Variants in RBL1 observed in about 807,000 individuals in gnomAD.
The protein encoded by RBL1 is RB transcriptional corepressor like 1, also known as retinoblastoma-like protein 1.
In RBL1, 82 loss-of-function variants were observed where a neutral mutation model predicts 123.0. The observed-to-expected ratio is 0.67, with a 90% CI of 0.56 to 0.80. The LOEUF (loss-of-function observed/expected upper bound fraction) is 0.80. Ranked by LOEUF, RBL1 falls within the 30% of genes least tolerant of loss-of-function variation. RBL1 has a pLI of 0.00. For missense variants in RBL1, 1,171 were observed against 1,299.6 expected (o/e 0.90, Z 1.52); for synonymous variants, 405 against 441.3 (o/e 0.92, Z 1.03).
chr20:37,034,732 A>G (rs1425878774), intron 15 of RBL1, among the ~76,000 whole-genome samples: 1 of 151,950 alleles, frequency 6.6e-6, no homozygotes, highest in Non-Finnish European at 1.5e-5. Context: ...CTAAACAAAC[A>G]GAGAGGGTAG....
intron 21 of RBL1, among the ~76,000 whole-genome samples, chr20:36,999,693 T>C (rs958744934): frequency 6.6e-6 from 1 of 152,238 alleles, no homozygotes; most frequent in African/African-American, 2.4e-5. Flanking sequence ...GGGGTTTCGC[T>C]GTGTTGGCCG....
chr20:37,011,881 C>T (rs751990786), intron 19 of RBL1, among the ~76,000 whole-genome samples: 7 of 151,830 alleles, frequency 4.6e-5, no homozygotes, highest in Non-Finnish European at 1.0e-4. Flanking sequence ...CCTCTCCCCA[C>T]GGTCTCCCTC....
At chr20:37,035,188 T>C (rs2064585564) in intron 15 of RBL1, 54 bp downstream of exon 15, 1 of 1,498,054 alleles carries the variant, frequency 6.7e-7, no homozygotes. Flanking sequence ...CACTAAGACA[T>C]TTCTTAAATT....
intron 4 of RBL1, 46 bp from the exon 5 acceptor site, chr20:37,067,167 C>T (rs758335951): frequency 1.9e-6 from 3 of 1,569,666 alleles, no homozygotes; most frequent in Non-Finnish European, 2.6e-6. Flanking sequence ...AACCAGAAAC[C>T]TCTCATGTCA....
At chr20:37,090,924 A>G (rs2065636193) in intron 1 of RBL1, among the ~76,000 whole-genome samples, 1 of 152,240 alleles carries the variant, frequency 6.6e-6, no homozygotes, top group Admixed American at 6.6e-5. Flanking sequence ...TTATATTAGT[A>G]GATATCTCAA....
chr20:37,039,066 TTTAAC>T, intron 14 of RBL1, among the ~76,000 whole-genome samples: 1 of 152,116 alleles, frequency 6.6e-6, no homozygotes, highest in Non-Finnish European at 1.5e-5. Flanking sequence ...GTCAGGAGAT[TTTAAC>T]TGATTTTTAA....
chr20:37,069,366 CGGCCGCCATCCCACCTA>C (rs2065241633), intron 2 of RBL1, among the ~76,000 whole-genome samples: 1 of 150,508 alleles, frequency 6.6e-6, no homozygotes, highest in African/African-American at 2.5e-5. Context: ...CGTCTCCGCC[CGGCCGCCATCCCACCTA>C]GGAAGTGAGG....
At chr20:37,047,745 C>T (rs954812160) in intron 11 of RBL1, among the ~76,000 whole-genome samples, 5 of 151,976 alleles carry the variant, frequency 3.3e-5, no homozygotes, top group Non-Finnish European at 7.4e-5. Context: ...TTTGGGAGGC[C>T]GAGGCAGGTG....
chr20:37,044,472 G>A (rs1568852567), intron 12 of RBL1, among the ~76,000 whole-genome samples: 1 of 152,010 alleles, frequency 6.6e-6, no homozygotes, highest in Non-Finnish European at 1.5e-5. Flanking sequence ...CGAGTAGCTG[G>A]GATTACAGGC....
intron 21 of RBL1, among the ~76,000 whole-genome samples, chr20:37,000,995 T>C (rs9679766): frequency 2.7e-3 from 285 of 104,060 alleles, no homozygotes; most frequent in Middle Eastern, 8.5e-3. Flanking sequence ...CCCCTCTGCC[T>C]GGCCAGCCGC....
At chr20:37,026,010 T>G (rs1178130383) in intron 16 of RBL1, among the ~76,000 whole-genome samples, 1 of 152,094 alleles carries the variant, frequency 6.6e-6, no homozygotes, top group African/African-American at 2.4e-5. Context: ...CCCAAAGTGC[T>G]AGGATTATAG....
chr20:37,050,653 T>C (rs2064895009), intron 11 of RBL1, among the ~76,000 whole-genome samples: 1 of 128,950 alleles, frequency 7.8e-6, no homozygotes, highest in African/African-American at 2.9e-5. Flanking sequence ...ATCTGAAAAA[T>C]GAAAGTTCCA....
chr20:37,073,682 A>G (rs953857829), intron 2 of RBL1, among the ~76,000 whole-genome samples: 4 of 131,844 alleles, frequency 3.0e-5, no homozygotes, highest in Non-Finnish European at 6.2e-5. Flanking sequence ...TGGGTGACAG[A>G]GTGAGATCCT....
intron 21 of RBL1, among the ~76,000 whole-genome samples, chr20:37,002,871 C>T (rs750633945): frequency 1.6e-4 from 25 of 151,708 alleles, no homozygotes; most frequent in Non-Finnish European, 3.2e-4. Context: ...TATAGGTGCG[C>T]ACCACCATGC....
rs142177188 is a variant in RBL1, at chr20:37,021,050, C to T, written c.2560-320G>A. ...AGATCTGTTTAATTCCCTGCAGTCT[C>T]CAGTTTTATTAATTTTTAAGTACTT... On this transcript the variant is annotated intron_variant, in intron 17 of 21. Transcript: ENST00000373664. Among the ~76,000 whole-genome samples the T allele has an allele frequency of 9.9e-3, 1,501 of 152,248 alleles. 14 individuals carry two copies. The highest frequency in any genetic ancestry group is 0.014 in the Non-Finnish European group (928 of 68,026).
In RBL1 at chr20:37,003,216, T is replaced by A. The variant is rs969906015; in HGVS notation, c.3036+486A>T. Among the ~76,000 whole-genome samples, 3 of 152,176 alleles carry A rather than the reference T, an allele frequency of 2.0e-5. No homozygotes were observed. In the East Asian group the frequency reaches 5.8e-4, roughly 29 times the overall value. ...CTGAACATATCTGCTTGATAGTCCA[T>A]GAAGTCTCTGAAAACAGCAATCATG... On this transcript the variant is annotated intron_variant, in intron 21 of 21. Coordinates refer to ENST00000373664, the MANE Select transcript of RBL1 (RefSeq NM_002895.5).
rs774311335 is a variant in RBL1, at chr20:37,068,206, G to GA, written c.291-21dup. 2 of 1,531,074 alleles carry GA rather than the reference G, an allele frequency of 1.3e-6. No individual in the cohort carries two copies. Among genetic ancestry groups the GA allele is most frequent in the South Asian group, 2.5e-5 (2 of 79,708 alleles). 94.8% of individuals were successfully genotyped at this position (1,531,074 alleles called of 1,614,324 possible). On this transcript the variant is annotated intron_variant, in intron 2 of 21. Coordinates refer to ENST00000373664, the MANE Select transcript of RBL1 (RefSeq NM_002895.5). ...ATTAAACTAAAAAAAAAAAGGAGGA[G>GA]AAAAAAGGCACCTTTAAAATTCATT...
rs746782602 is a variant in RBL1 at position 37,035,352 on chromosome 20, G to A, written c.2060C>T (p.Ser687Leu). The A allele has an allele frequency of 9.9e-6, 16 of 1,613,958 alleles. No homozygotes were observed. The highest frequency in any genetic ancestry group is 1.3e-5 in the Non-Finnish European group (15 of 1,179,970). The part of the protein sequence containing the change: ...EGTKLKIAPS[S>L]SITAENVSIL... ...TGATACATTTTCAGCAGTAATGCTT[G>A]AAGAAGGAGCGATTTTCAATTTTGT... The change falls in exon 15 of 22, where the codon TCA becomes TTA. Residue 687 changes from serine (S) to leucine (L), a missense_variant. Ser to Leu is a moderately radical substitution (Grantham distance 145, BLOSUM62 -2). Coordinates refer to ENST00000373664, the MANE Select transcript of RBL1 (RefSeq NM_002895.5).
intron 2 of RBL1, among the ~76,000 whole-genome samples, chr20:37,078,881 T>TGG (rs1390809499): frequency 2.8e-5 from 4 of 140,824 alleles, no homozygotes; most frequent in African/African-American, 7.8e-5. Context: ...GGTCTTTTTT[T>TGG]GGGGGGCGGG....
Sources: gnomAD v4.1 joint callset for allele counts (sites outside exome capture counted in the v4.1 genomes callset) on GRCh38, gnomAD v4.1.1 for gene constraint, MANE v1.5 for transcripts, NCBI Gene and HGNC (gene_info 2026-07-23, HGNC 2026-07-21) for gene names.